PNMA2: variants seen among roughly 807,000 people sequenced by gnomAD.
PNMA2 encodes the protein paraneoplastic antigen Ma2.
For missense variants in PNMA2, 455 were observed against 452.9 expected (o/e 1.00, Z -0.04); for synonymous variants, 175 against 183.5 (o/e 0.95, Z 0.38).
rs928262813 is a variant in PNMA2 at position 26,505,782 on chromosome 8, G to C, written c.*1879C>G. The C allele has an allele frequency of 6.6e-6, 1 of 152,206 alleles. No individual in the cohort carries two copies. Among genetic ancestry groups the C allele is most frequent in the Non-Finnish European group, 1.5e-5 (1 of 68,062 alleles). 9.4% of individuals were successfully genotyped at this position (152,206 alleles called of 1,614,324 possible). On this transcript the variant is annotated 3_prime_UTR_variant, in exon 3 of 3. Coordinates refer to ENST00000522362, the MANE Select transcript of PNMA2 (RefSeq NM_007257.6). ...GAGGTGAGTGGATCACTTGAGGTCAGGAGTTCGAGACCAGCCTGGCCAACA... is the reference window on the plus strand; with the variant it reads ...GAGGTGAGTGGATCACTTGAGGTCACGAGTTCGAGACCAGCCTGGCCAACA...
At position 26,505,888 on chromosome 8, in the gene PNMA2, G is replaced by A. The variant is rs1454896485; in HGVS notation, c.*1773C>T. ...TGCCTGTAATCCCAGCTACTCGGGA[G>A]GCTGAGGCACGAAATCGCTTGAACC... is the stretch of plus-strand genomic sequence containing the variant. On this transcript the variant is annotated 3_prime_UTR_variant, in exon 3 of 3. Coordinates refer to ENST00000522362, the MANE Select transcript of PNMA2 (RefSeq NM_007257.6). 6.6e-6 allele frequency: 1 copy of A among 152,214 alleles called. No homozygotes were observed. Among genetic ancestry groups the A allele is most frequent in the Non-Finnish European group, 1.5e-5 (1 of 68,064 alleles). The allele number at this position is 152,214 out of a possible 1,614,324, so 9.4% of individuals were successfully genotyped here.
In PNMA2 at chr8:26,507,849, T is replaced by C; in HGVS notation, c.907A>G (p.Thr303Ala). ...VRLEQVMAGA[T>A]LNQMLWCRLR... ...CGGCACCACAGCATCTGGTTAAGAG[T>C]GGCCCCAGCCATGACCTGCTCCAGG... is the stretch of plus-strand genomic sequence containing the variant. Residue 303 changes from threonine (T) to alanine (A), a missense_variant, in exon 3 of 3, where the codon ACT becomes GCT. Physicochemically the swap from Thr to Ala is moderately conservative, Grantham distance 58. Coordinates refer to ENST00000522362, the MANE Select transcript of PNMA2 (RefSeq NM_007257.6). 6.2e-7 allele frequency: 1 copy of C among 1,613,872 alleles called. No homozygotes were observed. The highest frequency in any genetic ancestry group is 1.1e-5 in the South Asian group (1 of 91,048).
Position 26,508,350 on chromosome 8 carries a change from A to G in PNMA2, c.406T>C (p.Cys136Arg). ...QEGVSPATVPCISPELLAHLL... is the reference protein window; with the variant it reads ...QEGVSPATVPRISPELLAHLL... ...TGGGCCAGTAATTCTGGTGAGATGC[A>G]GGGCACTGTGGCTGGAGACACGCCC... Residue 136 changes from cysteine (C) to arginine (R), a missense_variant, in exon 3 of 3, where the codon TGC (cysteine) becomes CGC (arginine). Physicochemically the swap from Cys to Arg is radical, Grantham distance 180. Coordinates refer to ENST00000522362, the MANE Select transcript of PNMA2 (RefSeq NM_007257.6). The surrounding 1 kb of genome is among the most constrained non-coding windows in gnomAD (Gnocchi z 5.5). 6.2e-7 allele frequency: 1 copy of G among 1,613,886 alleles called. No individual in the cohort carries two copies.
At position 26,508,587 on chromosome 8, in the gene PNMA2, G is replaced by C; in HGVS notation, c.169C>G (p.Arg57Gly). 6.2e-7 allele frequency: 1 copy of C among 1,614,106 alleles called. No homozygotes were observed. Among genetic ancestry groups the C allele is most frequent in the African/African-American group, 1.3e-5 (1 of 75,006 alleles). Reference protein sequence around the residue: ...GRYRLLGKIFRKQENANAVLL... With the variant: ...GRYRLLGKIFGKQENANAVLL... Reference sequence around the variant, plus strand: ...ACAGCATTGGCATTCTCCTGCTTCCGGAATATCTTGCCAAGCAGTCTATAC... The same window carrying C: ...ACAGCATTGGCATTCTCCTGCTTCCCGAATATCTTGCCAAGCAGTCTATAC... Residue 57 changes from arginine to glycine, a missense_variant, in exon 3 of 3, where the codon CGG (arginine) becomes GGG (glycine). By Grantham distance (125) the Arg-to-Gly change is moderately radical. Coordinates refer to ENST00000522362, the MANE Select transcript of PNMA2 (RefSeq NM_007257.6). This position sits in a 1 kb window ranked among gnomAD's most constrained non-coding sequence, Gnocchi z 5.5.
At chr8:26,511,174 A>G (rs965517886) in intron 1 of PNMA2, among the ~76,000 whole-genome samples, 1 of 142,410 alleles carries the variant, frequency 7.0e-6, no homozygotes, top group Non-Finnish European at 1.5e-5. Context: ...AAAAAAAGTT[A>G]GAGTTCCTAA....
rs1468111306 is a variant in PNMA2 at position 26,504,805 on chromosome 8, T to A, written c.*2856A>T. ...CTATTTTCATAAATACAAAAACACA[T>A]GAAATTAGGGTGTCATGGTAACCAC... is the stretch of plus-strand genomic sequence containing the variant. On this transcript the variant is annotated 3_prime_UTR_variant, in exon 3 of 3. Coordinates refer to ENST00000522362, the MANE Select transcript of PNMA2 (RefSeq NM_007257.6). 6.6e-6 allele frequency: 1 copy of A among 152,588 alleles called. No individual in the cohort carries two copies. 9.5% of individuals were successfully genotyped at this position (152,588 alleles called of 1,614,324 possible).
At position 26,508,408 on chromosome 8, in the gene PNMA2, C is replaced by G. The variant is rs1038109395; in HGVS notation, c.348G>C (p.Thr116=). The G allele has an allele frequency of 1.4e-5, 23 of 1,614,230 alleles. No homozygotes were observed. Among genetic ancestry groups the G allele is most frequent in the Non-Finnish European group, 1.9e-5 (23 of 1,180,032 alleles). ...LNLFLEKEGQ[T]VSGMFRALGQ... is the part of the protein sequence containing the mutation. ...CCAGGGCTCGAAACATACCCGAGAC[C>G]GTCTGCCCCTCTTTTTCTAGAAACA... Residue 116 remains threonine, a synonymous_variant, in exon 3 of 3, where the codon ACG becomes ACC. Coordinates refer to ENST00000522362, the MANE Select transcript of PNMA2 (RefSeq NM_007257.6). The surrounding 1 kb of genome is among the most constrained non-coding windows in gnomAD (Gnocchi z 5.5).
Position 26,506,353 on chromosome 8 carries a change from A to G in PNMA2, c.*1308T>C, listed in dbSNP as rs894294767. 12 of 152,262 alleles carry G rather than the reference A, an allele frequency of 7.9e-5. No homozygotes were observed. Among genetic ancestry groups the G allele is most frequent in the African/African-American group, 2.7e-4 (11 of 41,430 alleles). 9.4% of individuals were successfully genotyped at this position (152,262 alleles called of 1,614,324 possible). ...CTCCTCTTCATCCTTTGTTGCCACTAAAAGCCTTCTCTAAGCAAACCAGCC... is the reference window on the plus strand; with the variant it reads ...CTCCTCTTCATCCTTTGTTGCCACTGAAAGCCTTCTCTAAGCAAACCAGCC... On this transcript the variant is annotated 3_prime_UTR_variant, in exon 3 of 3. Coordinates refer to ENST00000522362, the MANE Select transcript of PNMA2 (RefSeq NM_007257.6). The surrounding 1 kb of genome is among the most constrained non-coding windows in gnomAD (Gnocchi z 4.4).
chr8:26,511,658 C>CA (rs1444821003), intron 1 of PNMA2: 3 of 152,256 alleles, frequency 2.0e-5, no homozygotes, highest in Non-Finnish European at 4.4e-5. Flanking sequence ...CCTGTAGTCC[C>CA]AACTACTTGG....
rs1808066287 is a variant in PNMA2 at position 26,507,671 on chromosome 8, C to G, written c.1085G>C (p.Gly362Ala). The G allele has an allele frequency of 6.4e-7, 1 of 1,552,188 alleles. No individual in the cohort carries two copies. The highest frequency in any genetic ancestry group is 8.7e-7 in the Non-Finnish European group (1 of 1,151,912). ...RDGYGRWNHE[G>A]DD is the part of the protein sequence containing the mutation. ...GCCCCCAGGTGGTTTTCAGTCGTCT[C>G]CCTCATGATTCCAGCGGCCATAGCC... Residue 362 changes from glycine to alanine, a missense_variant, in exon 3 of 3, where the codon GGA becomes GCA. Transcript: ENST00000522362.
rs762161126 is a variant in PNMA2 at position 26,508,193 on chromosome 8, GC to G, written c.562del (p.Ala188ProfsTer4). ...EESFEVWLEQ[A>X]TEIVKEWPVT... ...TGGCCACTCTTTGACTATCTCCGTG[GC>G]CTGTTCCAACCAGACCTCAAAGGAC... On this transcript the variant is annotated frameshift_variant, in exon 3 of 3. Coordinates refer to ENST00000522362, the MANE Select transcript of PNMA2 (RefSeq NM_007257.6). LOFTEE classifies it low-confidence loss of function (END_TRUNC). This position sits in a 1 kb window ranked among gnomAD's most constrained non-coding sequence, Gnocchi z 5.5. The G allele has an allele frequency of 6.2e-7, 1 of 1,613,612 alleles. No homozygotes were observed.
chr8:26,507,748 C>T lies in PNMA2; in HGVS notation c.1008G>A (p.Glu336=), dbSNP rs761965077. ...ELMKVIREEE[E]EEASFENESI... ...TCTCATTCTCAAAGGAGGCCTCTTCCTCCTCTTCTTCCCGTATTACCTTCA... is the reference window on the plus strand; with the variant it reads ...TCTCATTCTCAAAGGAGGCCTCTTCTTCCTCTTCTTCCCGTATTACCTTCA... Residue 336 remains glutamate (E), a synonymous_variant, in exon 3 of 3, where the codon GAG becomes GAA. Coordinates refer to ENST00000522362, the MANE Select transcript of PNMA2 (RefSeq NM_007257.6). 2 of 1,612,446 alleles carry T rather than the reference C, an allele frequency of 1.2e-6. No individual in the cohort carries two copies. The highest frequency in any genetic ancestry group is 8.5e-7 in the Non-Finnish European group (1 of 1,179,384).
rs1192839050 is a variant in PNMA2 at position 26,508,807 on chromosome 8, T to G, written c.-52A>C. 1.7e-5 allele frequency: 27 copies of G among 1,559,894 alleles called. No homozygotes were observed. Among genetic ancestry groups the G allele is most frequent in the Non-Finnish European group, 2.3e-5 (27 of 1,156,158 alleles). ...TCTACAGGCACCAATTTGTTAGTGGTGCAGCTATGCACTGACTTAATATTG... is the reference window on the plus strand; with the variant it reads ...TCTACAGGCACCAATTTGTTAGTGGGGCAGCTATGCACTGACTTAATATTG... On this transcript the variant is annotated 5_prime_UTR_variant, in exon 3 of 3. Transcript: ENST00000522362. This position sits in a 1 kb window ranked among gnomAD's most constrained non-coding sequence, Gnocchi z 5.5.
At position 26,508,280 on chromosome 8, in the gene PNMA2, G is replaced by T. The variant is rs1353411526; in HGVS notation, c.476C>A (p.Pro159His). Residue 159 changes from proline to histidine, a missense_variant, in exon 3 of 3, where the codon CCC (proline) becomes CAC (histidine). Transcript: ENST00000522362. This position sits in a 1 kb window ranked among gnomAD's most constrained non-coding sequence, Gnocchi z 5.5. ...AMAHAPQPLL[P>H]MRYRKLRVFS... ...TACTCGCAGTTTCCGGTATCTCATG[G>T]GTAGCAGGGGCTGAGGCGCATGTGC... 6.2e-7 allele frequency: 1 copy of T among 1,602,056 alleles called. No individual in the cohort carries two copies. The highest frequency in any genetic ancestry group is 1.3e-5 in the African/African-American group (1 of 74,618).
chr8:26,507,142 T>C lies in PNMA2; in HGVS notation c.*519A>G, dbSNP rs1258221168. On this transcript the variant is annotated 3_prime_UTR_variant, in exon 3 of 3. Coordinates refer to ENST00000522362, the MANE Select transcript of PNMA2 (RefSeq NM_007257.6). ...GATATTTTTTTCTTAAAAAGAAAAA[T>C]CAAGGGCCAGGCATGGCGGTTCATG... 6.6e-6 allele frequency: 1 copy of C among 152,156 alleles called. No individual in the cohort carries two copies. Among genetic ancestry groups the C allele is most frequent in the Non-Finnish European group, 1.5e-5 (1 of 68,052 alleles). The allele number at this position is 152,156 out of a possible 1,614,324, so 9.4% of individuals were successfully genotyped here. A position where few individuals can be genotyped will look rare whatever the true frequency, so the allele number is the denominator to read the frequency against.
At chr8:26,512,164 G>A (rs566505311) in intron 1 of PNMA2, among the ~76,000 whole-genome samples, 2 of 152,288 alleles carry the variant, frequency 1.3e-5, no homozygotes, top group South Asian at 4.1e-4. Flanking sequence ...ACCCAACCTT[G>A]GCTATGCGCC....
At position 26,504,733 on chromosome 8, in the gene PNMA2, C is replaced by T. The variant is rs1195018988; in HGVS notation, c.*2928G>A. The stretch of plus-strand genomic sequence containing the variant: ...AGCATATATTTATTTTATAACTTCA[C>T]ATTTATAACATTTTACTTTGTATAC... On this transcript the variant is annotated 3_prime_UTR_variant, in exon 3 of 3. Coordinates refer to ENST00000522362, the MANE Select transcript of PNMA2 (RefSeq NM_007257.6). 6.6e-6 allele frequency: 1 copy of T among 152,596 alleles called. No homozygotes were observed. The highest frequency in any genetic ancestry group is 1.5e-5 in the Non-Finnish European group (1 of 68,030). The allele number at this position is 152,596 out of a possible 1,614,324, so 9.5% of individuals were successfully genotyped here.
chr8:26,508,967 T>C lies in PNMA2; in HGVS notation c.-212A>G. On this transcript the variant is annotated 5_prime_UTR_variant, in exon 3 of 3. Coordinates refer to ENST00000522362, the MANE Select transcript of PNMA2 (RefSeq NM_007257.6). This position sits in a 1 kb window ranked among gnomAD's most constrained non-coding sequence, Gnocchi z 5.5. ...TCAGTGGCAAGAACTCAGGACTTCT[T>C]GTCTTTAGGCCTGACCCAGGTGGGC... 3.0e-6 allele frequency: 4 copies of C among 1,344,026 alleles called. No homozygotes were observed. Among genetic ancestry groups the C allele is most frequent in the Non-Finnish European group, 3.9e-6 (4 of 1,036,956 alleles). 83.3% of individuals were successfully genotyped at this position (1,344,026 alleles called of 1,614,324 possible). A position where few individuals can be genotyped will look rare whatever the true frequency, so the allele number is the denominator to read the frequency against.
At position 26,507,759 on chromosome 8, in the gene PNMA2, C is replaced by G. The variant is rs750545734; in HGVS notation, c.997G>C (p.Glu333Gln). The change falls in exon 3 of 3, where the codon GAA becomes CAA. Residue 333 changes from glutamate (E) to glutamine (Q), a missense_variant. Glu to Gln is a conservative substitution (Grantham distance 29). Coordinates refer to ENST00000522362, the MANE Select transcript of PNMA2 (RefSeq NM_007257.6). ...AAGGAGGCCTCTTCCTCCTCTTCTT[C>G]CCGTATTACCTTCATTAGCTCAAGG... ...SFLELMKVIR[E>Q]EEEEEASFEN... The G allele has an allele frequency of 7.4e-6, 12 of 1,613,154 alleles. No homozygotes were observed. The South Asian group carries it at 1.3e-4, about 18-fold the overall frequency.
Sources: gnomAD v4.1 joint callset for allele counts (sites outside exome capture counted in the v4.1 genomes callset) on GRCh38, gnomAD v4.1.1 for gene constraint, Gnocchi (gnomAD v3.1) non-coding constraint, MANE v1.5 for transcripts, NCBI Gene and HGNC (gene_info 2026-07-23, HGNC 2026-07-21) for gene names.